The following MSI2 variants were observed in gnomAD, a reference collection of about 807,000 sequenced individuals.
The protein encoded by MSI2 is musashi RNA binding protein 2, also known as RNA-binding protein Musashi homolog 2.
MSI2 carries 17 observed loss-of-function variants against 45.6 expected under a neutral mutation model. The observed-to-expected ratio is 0.37, with a 90% CI of 0.26 to 0.56. The LOEUF is 0.56. Among genes scored for constraint, MSI2 ranks in the 20% least tolerant of loss-of-function variants. The pLI is 0.77. For synonymous variants in MSI2, 156 were observed against 158.2 expected (o/e 0.99, Z 0.11); for missense variants, 293 against 444.2 (o/e 0.66, Z 3.06).
rs1906742427 is a variant in MSI2, at chr17:57,256,629, GA to G, written c.-113del. The G allele has an allele frequency of 2.2e-6, 1 of 462,296 alleles. No individual in the cohort carries two copies. The highest frequency in any genetic ancestry group is 4.8e-5 in the South Asian group (1 of 20,664). The allele number at this position is 462,296 out of a possible 1,614,324, so 28.6% of individuals were successfully genotyped here. A position where few individuals can be genotyped will look rare whatever the true frequency, so the allele number is the denominator to read the frequency against. On this transcript the variant is annotated 5_prime_UTR_variant, in exon 1 of 14. Coordinates refer to ENST00000284073, the MANE Select transcript of MSI2 (RefSeq NM_138962.4). ...GATTCGGAGGAGCCCGGGCGGGGGG[GA>G]GGAGGAGGGGGAGGAGGGAGCGGAG...
At chr17:57,507,651 C>A (rs1484182193) in intron 6 of MSI2, among the ~76,000 whole-genome samples, 1 of 151,670 alleles carries the variant, frequency 6.6e-6, no homozygotes, top group Non-Finnish European at 1.5e-5. Flanking sequence ...GAATTCCCCA[C>A]CCCCCTGACC....
At chr17:57,346,358 G>C (rs1915611920) in intron 5 of MSI2, among the ~76,000 whole-genome samples, 1 of 139,750 alleles carries the variant, frequency 7.2e-6, no homozygotes, top group African/African-American at 2.7e-5. Context: ...TGGGGGGGGG[G>C]GTCTGATTTT....
At chr17:57,452,909 T>TCTAA (rs937326890) in intron 6 of MSI2, among the ~76,000 whole-genome samples, 3 of 151,694 alleles carry the variant, frequency 2.0e-5, no homozygotes, top group Non-Finnish European at 2.9e-5. Flanking sequence ...GGATGCAGGC[T>TCTAA]CTAACCTCAG....
intron 6 of MSI2, among the ~76,000 whole-genome samples, chr17:57,426,962 C>T (rs968926621): frequency 6.6e-6 from 1 of 152,248 alleles, no homozygotes; most frequent in Non-Finnish European, 1.5e-5. Flanking sequence ...CGGGTGTCCA[C>T]TGGAGCCAGG....
At position 57,681,193 on chromosome 17, in the gene MSI2, T is replaced by G. The variant is rs974453642; in HGVS notation, c.*1676T>G. 1 of 185,804 alleles carries G rather than the reference T, an allele frequency of 5.4e-6. No homozygotes were observed. The highest frequency in any genetic ancestry group is 2.3e-5 in the African/African-American group (1 of 42,680). The allele number at this position is 185,804 out of a possible 1,614,324, so 11.5% of individuals were successfully genotyped here. A position where few individuals can be genotyped will look rare whatever the true frequency, so the allele number is the denominator to read the frequency against. On this transcript the variant is annotated 3_prime_UTR_variant, in exon 14 of 14. Coordinates refer to ENST00000284073, the MANE Select transcript of MSI2 (RefSeq NM_138962.4). ...TTTAACATTTGGCTGTTATAATATA[T>G]GGTCCTCGGTTGGGGAAAGATACTT...
At chr17:57,606,689 A>AT (rs895900246) in intron 8 of MSI2, among the ~76,000 whole-genome samples, 2 of 152,096 alleles carry the variant, frequency 1.3e-5, no homozygotes, top group African/African-American at 4.8e-5. Flanking sequence ...CTTAATGTTT[A>AT]TTTTTGGTTT....
At chr17:57,291,618 A>G (rs1189158141) in intron 5 of MSI2, among the ~76,000 whole-genome samples, 1 of 152,170 alleles carries the variant, frequency 6.6e-6, no homozygotes, top group Non-Finnish European at 1.5e-5. Flanking sequence ...ATGCTGAAAG[A>G]TGGATCGACT....
intron 11 of MSI2, among the ~76,000 whole-genome samples, chr17:57,664,646 A>G (rs1025338551): frequency 3.9e-5 from 6 of 152,214 alleles, no homozygotes; most frequent in Non-Finnish European, 8.8e-5. Flanking sequence ...CATGAAGGCA[A>G]TGGGAGGGAC....
intron 5 of MSI2, among the ~76,000 whole-genome samples, chr17:57,336,196 G>T (rs992625053): frequency 5.3e-5 from 8 of 152,194 alleles, no homozygotes; most frequent in African/African-American, 1.9e-4. Flanking sequence ...GCTATGTCTT[G>T]AAGGTTGAGC....
At chr17:57,446,146 A>AGTGGG (rs1157406839) in intron 6 of MSI2, among the ~76,000 whole-genome samples, 2 of 151,824 alleles carry the variant, frequency 1.3e-5, no homozygotes, top group Admixed American at 6.6e-5. Flanking sequence ...GGGACTGGGG[A>AGTGGG]GTGGGGTGGG....
In MSI2 at chr17:57,340,650, T is replaced by C. The variant is rs952036811; in HGVS notation, c.313-60729T>C. On this transcript the variant is annotated intron_variant, in intron 5 of 13. Transcript: ENST00000284073. ...AAGCCTCCCCAGCAATGGCCTGTGG[T>C]TCTGGGGGATGGGAGGGTGGTGTGA... Among the ~76,000 whole-genome samples, 3 of 152,080 alleles carry C rather than the reference T, an allele frequency of 2.0e-5. No homozygotes were observed. The South Asian group carries it at 6.2e-4, about 31-fold the overall frequency.
chr17:57,540,675 G>T (rs1406085952), intron 7 of MSI2, among the ~76,000 whole-genome samples: 1 of 152,230 alleles, frequency 6.6e-6, no homozygotes, highest in Non-Finnish European at 1.5e-5. Flanking sequence ...GACAGGGGCA[G>T]TGCGGCTGCA....
At chr17:57,608,982 G>A (rs1046332664) in intron 8 of MSI2, among the ~76,000 whole-genome samples, 3 of 152,224 alleles carry the variant, frequency 2.0e-5, no homozygotes, top group African/African-American at 7.2e-5. Context: ...AAGGAGGGCT[G>A]TGCAGGGAGG....
intron 7 of MSI2, among the ~76,000 whole-genome samples, chr17:57,551,661 A>G (rs2144189091): frequency 6.6e-6 from 1 of 150,734 alleles, no homozygotes; most frequent in Middle Eastern, 3.4e-3. Flanking sequence ...TCCCCCACCC[A>G]CTGCTGAAGT....
chr17:57,649,282 G>T lies in MSI2; in HGVS notation c.728-2817G>T, dbSNP rs762837375. Reference sequence around the variant, plus strand: ...TACACCCAACACAGGTACACAATACGTACACTCAACAAACACAACACACAC... The same window carrying T: ...TACACCCAACACAGGTACACAATACTTACACTCAACAAACACAACACACAC... On this transcript the variant is annotated intron_variant, in intron 10 of 13. Coordinates refer to ENST00000284073, the MANE Select transcript of MSI2 (RefSeq NM_138962.4). Among the ~76,000 whole-genome samples, 10 of 128,588 alleles carry T rather than the reference G, an allele frequency of 7.8e-5. No individual in the cohort carries two copies. In the South Asian group the frequency reaches 2.4e-3, roughly 31 times the overall value. The allele number at this position is 128,588 out of a possible 152,430, so 84.4% of individuals were successfully genotyped here. A position where few individuals can be genotyped will look rare whatever the true frequency, so the allele number is the denominator to read the frequency against.
At chr17:57,353,683 G>C (rs961209546) in intron 5 of MSI2, among the ~76,000 whole-genome samples, 2 of 152,154 alleles carry the variant, frequency 1.3e-5, no homozygotes, top group African/African-American at 4.8e-5. Context: ...AGTACCAGTA[G>C]ATTGAAGATT....
chr17:57,596,343 G>A lies in MSI2; in HGVS notation c.455-525G>A, dbSNP rs370567310. Among the ~76,000 whole-genome samples, 2 of 152,318 alleles carry A rather than the reference G, an allele frequency of 1.3e-5. No individual in the cohort carries two copies. The highest frequency in any genetic ancestry group is 2.9e-5 in the Non-Finnish European group (2 of 68,030). Reference sequence around the variant, plus strand: ...GCAGCAGTATAAAAAGGATGCCTGCGCGGAACAGAGGCCTGAAACTTTTAA... The same window carrying A: ...GCAGCAGTATAAAAAGGATGCCTGCACGGAACAGAGGCCTGAAACTTTTAA... On this transcript the variant is annotated intron_variant, in intron 7 of 13. Transcript: ENST00000284073. This position sits in a 1 kb window ranked among gnomAD's most constrained non-coding sequence, Gnocchi z 4.6.
chr17:57,550,075 G>A (rs62058103), intron 7 of MSI2, among the ~76,000 whole-genome samples: 3,784 of 152,260 alleles, frequency 0.025, 74 homozygotes, highest in Middle Eastern at 0.044. Context: ...CCCCATCCCC[G>A]CCTTAGTTGT....
At chr17:57,354,834 A>T (rs1916301882) in intron 5 of MSI2, among the ~76,000 whole-genome samples, 1 of 152,256 alleles carries the variant, frequency 6.6e-6, no homozygotes, top group East Asian at 1.9e-4. Context: ...AGTATGATTA[A>T]CTGTTGGAGA....
Sources: gnomAD v4.1 joint callset for allele counts (sites outside exome capture counted in the v4.1 genomes callset) on GRCh38, gnomAD v4.1.1 for gene constraint, Gnocchi (gnomAD v3.1) non-coding constraint, MANE v1.5 for transcripts, NCBI Gene and HGNC (gene_info 2026-07-23, HGNC 2026-07-21) for gene names.